The following EVI5 variants were observed in gnomAD, a reference collection of about 807,000 sequenced individuals.
The protein encoded by EVI5 is ecotropic viral integration site 5 protein homolog.
Under a neutral mutation model 112.0 loss-of-function variants are expected in EVI5, and 73 were observed. That is an observed-to-expected ratio of 0.65 (90% CI 0.54 to 0.79). EVI5 has a LOEUF of 0.79. EVI5 is among the 30% of genes least tolerant of loss of function. The pLI is 0.00. For missense variants in EVI5, 900 were observed against 968.8 expected (o/e 0.93, Z 0.94); for synonymous variants, 305 against 319.9 (o/e 0.95, Z 0.50).
chr1:92,575,517 T>G (rs1359454895), intron 18 of EVI5, among the ~76,000 whole-genome samples: 2 of 151,968 alleles, frequency 1.3e-5, no homozygotes, highest in Admixed American at 1.3e-4. Context: ...ATTTTGTTAT[T>G]ATATCCCTTT....
Position 92,704,757 on chromosome 1 carries a change from T to C in EVI5, c.150-13A>G. 1.5e-6 allele frequency: 2 copies of C among 1,369,030 alleles called. No homozygotes were observed. Among genetic ancestry groups the C allele is most frequent in the South Asian group, 1.5e-5 (1 of 68,234 alleles). 84.8% of individuals were successfully genotyped at this position (1,369,030 alleles called of 1,614,324 possible). A position where few individuals can be genotyped will look rare whatever the true frequency, so the allele number is the denominator to read the frequency against. On this transcript the variant is annotated splice_polypyrimidine_tract_variant and intron_variant, in intron 2 of 19. Transcript: ENST00000684568. ...CGTTTCTAACAATCTAAAATATAAT[T>C]AAAAACTGTTCAAGATCTAATCGGA...
chr1:92,580,318 T>G (rs1244364191), intron 18 of EVI5, among the ~76,000 whole-genome samples: 6 of 152,216 alleles, frequency 3.9e-5, no homozygotes, highest in Non-Finnish European at 2.9e-5. Context: ...CTGATTCATA[T>G]ATTGCATTCA....
intron 19 of EVI5, among the ~76,000 whole-genome samples, chr1:92,548,400 G>A (rs1666170684): frequency 6.6e-6 from 1 of 152,154 alleles, no homozygotes; most frequent in South Asian, 2.1e-4. Flanking sequence ...CATACTGAAT[G>A]GACAAAAACT....
chr1:92,618,338 CACA>C (rs1180371712), intron 16 of EVI5, among the ~76,000 whole-genome samples: 3 of 152,132 alleles, frequency 2.0e-5, no homozygotes, highest in South Asian at 2.1e-4. Flanking sequence ...CACCAGAAGA[CACA>C]ACAACGACTC....
intron 18 of EVI5, among the ~76,000 whole-genome samples, chr1:92,581,659 T>C (rs1371528438): frequency 6.6e-6 from 1 of 150,530 alleles, no homozygotes; most frequent in African/African-American, 2.4e-5. Context: ...GTTATGTTCC[T>C]TTTCCTCTCA....
At position 92,607,790 on chromosome 1, in the gene EVI5, A is replaced by G; in HGVS notation, c.1828-63T>C. ...CAAGACCTAAAAATTAAAAAAAATT[A>G]CCTATCCATTTTATACCATAACATT... On this transcript the variant is annotated intron_variant, in intron 16 of 19. Coordinates refer to ENST00000684568, the MANE Select transcript of EVI5 (RefSeq NM_001350197.2). The G allele has an allele frequency of 3.6e-6, 4 of 1,118,196 alleles. No individual in the cohort carries two copies. In the Admixed American group the frequency reaches 8.6e-5, roughly 24 times the overall value. 69.3% of individuals were successfully genotyped at this position (1,118,196 alleles called of 1,614,324 possible).
chr1:92,598,290 T>C (rs1648373594), intron 18 of EVI5, among the ~76,000 whole-genome samples: 1 of 152,064 alleles, frequency 6.6e-6, no homozygotes, highest in African/African-American at 2.4e-5. Context: ...AAAATAACTA[T>C]TGGGTACTGA....
At chr1:92,687,193 T>C (rs1039869495) in intron 9 of EVI5, among the ~76,000 whole-genome samples, 1 of 151,982 alleles carries the variant, frequency 6.6e-6, no homozygotes, top group Non-Finnish European at 1.5e-5. Context: ...AAAACAGATA[T>C]ATAGACCAAT....
chr1:92,636,457 C>T (rs1173440526), intron 13 of EVI5, 121 bp from the exon 14 acceptor site: 3 of 746,670 alleles, frequency 4.0e-6, no homozygotes, highest in Admixed American at 3.2e-5. Flanking sequence ...GGAGAAGTTC[C>T]ATCTACCCAA....
In EVI5 at chr1:92,511,987, A is replaced by G. The variant is rs2101616872; in HGVS notation, c.*1669T>C. 1 of 152,484 alleles carries G rather than the reference A, an allele frequency of 6.6e-6. No individual in the cohort carries two copies. The highest frequency in any genetic ancestry group is 1.5e-5 in the Non-Finnish European group (1 of 67,980). 9.4% of individuals were successfully genotyped at this position (152,484 alleles called of 1,614,324 possible). ...TACTGAATTCTACTTTTCTCTTCCA[A>G]GGCTTTTTCCATAGGTTAACAAAAT... On this transcript the variant is annotated 3_prime_UTR_variant, in exon 20 of 20. Coordinates refer to ENST00000684568, the MANE Select transcript of EVI5 (RefSeq NM_001350197.2).
intron 10 of EVI5, among the ~76,000 whole-genome samples, chr1:92,676,829 C>CT (rs1250244211): frequency 6.6e-6 from 1 of 152,088 alleles, no homozygotes; most frequent in Non-Finnish European, 1.5e-5. Context: ...TCTTGTTGGT[C>CT]TCAGCATAGA....
At chr1:92,557,549 G>A (rs530584379) in intron 19 of EVI5, among the ~76,000 whole-genome samples, 17 of 151,222 alleles carry the variant, frequency 1.1e-4, no homozygotes, top group East Asian at 7.9e-4. Context: ...TCTGCCTGCC[G>A]CAGCCTCTCA....
At position 92,767,499 on chromosome 1, in the gene EVI5, G is replaced by C. The variant is rs544564530; in HGVS notation, c.-82+17337C>G. ...AGGGGGAACTACTATATACGTAAAA[G>C]AAAAGAGTGATGAAATTATGAGGTG... On this transcript the variant is annotated intron_variant, in intron 1 of 19. Transcript: ENST00000684568. Among the ~76,000 whole-genome samples the C allele has an allele frequency of 2.3e-4, 35 of 152,282 alleles. No homozygotes were observed. The South Asian group carries it at 3.7e-3, about 16-fold the overall frequency.
rs377415554 is a variant in EVI5, at chr1:92,652,801, T to C, written c.1392+9918A>G. Among the ~76,000 whole-genome samples the C allele has an allele frequency of 4.2e-4, 64 of 152,290 alleles. No homozygotes were observed. The East Asian group carries it at 6.2e-3, about 15-fold the overall frequency. On this transcript the variant is annotated intron_variant, in intron 13 of 19. Transcript: ENST00000684568. ...TACAAGTGAATAACCATAATGTGAA[T>C]AGACTATCCAGAGAATGCTGGAGGC...
intron 18 of EVI5, among the ~76,000 whole-genome samples, chr1:92,586,058 G>A (rs116788520): frequency 6.6e-6 from 1 of 152,058 alleles, no homozygotes; most frequent in Non-Finnish European, 1.5e-5. Context: ...GGTAAGACTA[G>A]GGTTATGGGT....
intron 15 of EVI5, among the ~76,000 whole-genome samples, chr1:92,624,779 G>A (rs927644262): frequency 1.3e-5 from 2 of 149,324 alleles, no homozygotes; most frequent in Non-Finnish European, 3.0e-5. Flanking sequence ...AGAATTCACT[G>A]CCTAGGGTCA....
chr1:92,514,126 AT>A (rs1172216433), intron 19 of EVI5, among the ~76,000 whole-genome samples, 156 bp from the exon 20 acceptor site: 1 of 4,128 alleles, frequency 2.4e-4, no homozygotes, highest in Admixed American at 3.1e-3. Flanking sequence ...TCTATGTGTT[AT>A]ATATAATGGG....
At chr1:92,732,545 T>C in intron 2 of EVI5, 1 of 190,234 alleles carries the variant, frequency 5.3e-6, no homozygotes, top group Non-Finnish European at 1.1e-5. Flanking sequence ...ACCAATGTTC[T>C]TTTCCATGGA....
chr1:92,784,222 A>T, intron 1 of EVI5: 1 of 772,148 alleles, frequency 1.3e-6, no homozygotes, highest in Non-Finnish European at 1.6e-6. Flanking sequence ...AACTCTTTTG[A>T]GTGGAAACAC....
Sources: gnomAD v4.1 joint callset for allele counts (sites outside exome capture counted in the v4.1 genomes callset) on GRCh38, gnomAD v4.1.1 for gene constraint, MANE v1.5 for transcripts, NCBI Gene and HGNC (gene_info 2026-07-23, HGNC 2026-07-21) for gene names.